Variants in ZNF557 observed in about 807,000 individuals in gnomAD.
ZNF557 encodes the protein zinc finger protein 557.
Under a neutral mutation model 21.2 loss-of-function variants are expected in ZNF557, and 19 were observed. The observed-to-expected ratio is 0.90, with a 90% CI of 0.63 to 1.32. The LOEUF is 1.32. ZNF557 is among the 40% of genes most tolerant of loss of function. The probability of loss-of-function intolerance (pLI) is 0.00; values close to 1 mark genes in which losing one functional copy is unlikely to be tolerated. For synonymous variants in ZNF557, 207 were observed against 194.8 expected, an observed-to-expected ratio of 1.06 and a Z score of -0.52; for missense variants, 487 against 519.8, an observed-to-expected ratio of 0.94 and a Z score of 0.61.
intron 2 of ZNF557, among the ~76,000 whole-genome samples, chr19:7,071,578 G>T (rs993719369): frequency 5.9e-5 from 9 of 152,122 alleles, no homozygotes; most frequent in Non-Finnish European, 1.3e-4. Context: ...AGTGGCTCAA[G>T]CCTGTCTGTA....
chr19:7,074,470 C>T (rs1977532911), intron 2 of ZNF557, among the ~76,000 whole-genome samples: 3 of 151,310 alleles, frequency 2.0e-5, no homozygotes, highest in Admixed American at 2.0e-4. Context: ...GAGATCTTCT[C>T]TCTTTTTTTT....
At chr19:7,073,301 C>A (rs1297402968) in intron 2 of ZNF557, among the ~76,000 whole-genome samples, 1 of 151,874 alleles carries the variant, frequency 6.6e-6, no homozygotes, top group African/African-American at 2.4e-5. Flanking sequence ...CAGGCACCCA[C>A]CACCATGCCC....
rs1412206263 is a variant in ZNF557, at chr19:7,087,369, T to C, written c.*3625T>C. On this transcript the variant is annotated 3_prime_UTR_variant, in exon 8 of 8. Coordinates refer to ENST00000252840, the MANE Select transcript of ZNF557 (RefSeq NM_024341.3). ...CAGCCTGATCAACATGGAGAAAACCTGTCTCTCCTAAAAATACAAAATTAA... is the reference window on the plus strand; with the variant it reads ...CAGCCTGATCAACATGGAGAAAACCCGTCTCTCCTAAAAATACAAAATTAA... 1.3e-5 allele frequency: 2 copies of C among 151,506 alleles called. No homozygotes were observed. Among genetic ancestry groups the C allele is most frequent in the African/African-American group, 2.4e-5 (1 of 41,302 alleles). The allele number at this position is 151,506 out of a possible 1,614,324, so 9.4% of individuals were successfully genotyped here. A position where few individuals can be genotyped will look rare whatever the true frequency, so the allele number is the denominator to read the frequency against.
intron 2 of ZNF557, among the ~76,000 whole-genome samples, chr19:7,073,148 G>T (rs117957395): frequency 0.088 from 3,977 of 45,312 alleles, 95 homozygotes; most frequent in African/African-American, 0.17. Context: ...TGTTTTTTTG[G>T]TTTTTTTTGT....
At chr19:7,077,034 T>C (rs554751112) in intron 5 of ZNF557, among the ~76,000 whole-genome samples, 1 of 152,012 alleles carries the variant, frequency 6.6e-6, no homozygotes, top group African/African-American at 2.4e-5. Context: ...AGATGTGAGC[T>C]ACCATTCCTG....
At chr19:7,080,544 C>G (rs1977679322) in intron 5 of ZNF557, among the ~76,000 whole-genome samples, 1 of 152,150 alleles carries the variant, frequency 6.6e-6, no homozygotes, top group South Asian at 2.1e-4. Flanking sequence ...AAAGGGAAGC[C>G]CTTTGATCCA....
intron 5 of ZNF557, among the ~76,000 whole-genome samples, chr19:7,079,398 C>G (rs2967666): frequency 0.35 from 51,987 of 148,498 alleles, 9,430 homozygotes; most frequent in South Asian, 0.48. Flanking sequence ...CCCACCACCA[C>G]GCCTCGCTAA....
intron 1 of ZNF557, among the ~76,000 whole-genome samples, chr19:7,070,306 G>T (rs1977432974): frequency 6.6e-6 from 1 of 152,162 alleles, no homozygotes; most frequent in Non-Finnish European, 1.5e-5. Flanking sequence ...CCAGCCAAAT[G>T]AGTTAAGCAA....
rs1048319417 is a variant in ZNF557, at chr19:7,084,103, C to T, written c.*359C>T. 1.2e-4 allele frequency: 24 copies of T among 208,136 alleles called. No individual in the cohort carries two copies. The highest frequency in any genetic ancestry group is 5.7e-4 in the African/African-American group (24 of 42,466). 12.9% of individuals were successfully genotyped at this position (208,136 alleles called of 1,614,324 possible). On this transcript the variant is annotated 3_prime_UTR_variant, in exon 8 of 8. Transcript: ENST00000252840. Reference sequence around the variant, plus strand: ...CTTCCAAATCACGTAGGCCTCTCAACAGGGCTGAGTTTCTTTATGGAAGCA... The same window carrying T: ...CTTCCAAATCACGTAGGCCTCTCAATAGGGCTGAGTTTCTTTATGGAAGCA...
intron 5 of ZNF557, among the ~76,000 whole-genome samples, chr19:7,079,462 G>T (rs367945302): frequency 5.9e-5 from 9 of 151,708 alleles, no homozygotes; most frequent in Non-Finnish European, 1.2e-4. Context: ...GGATGATCTC[G>T]ATCTCCTGAC....
chr19:7,081,543 A>G (rs1278126711), intron 6 of ZNF557, 88 bp downstream of exon 6: 1 of 913,266 alleles, frequency 1.1e-6, no homozygotes, highest in Non-Finnish European at 1.7e-6. Flanking sequence ...ATTAGGAAAT[A>G]TCAGTCAGAG....
At position 7,086,230 on chromosome 19, in the gene ZNF557, C is replaced by CAAAAAAAAAAAAAAAAAAAAAAA. The variant is rs71177152; in HGVS notation, c.*2499_*2500insAAAAAAAAAAAAAAAAAAAAAAA. On this transcript the variant is annotated 3_prime_UTR_variant, in exon 8 of 8. Transcript: ENST00000252840. ...TGGGCAAAAGAGTGCAACTCTGTCTCAAAAAAAAAAAAATCAGACAATATT... is the reference window on the plus strand; with the variant it reads ...TGGGCAAAAGAGTGCAACTCTGTCTCAAAAAAAAAAAAAAAAAAAAAAAAAAAAAAAAAAAATCAGACAATATT... 9.1e-6 allele frequency: 1 copy of CAAAAAAAAAAAAAAAAAAAAAAA among 109,966 alleles called. No homozygotes were observed. Among genetic ancestry groups the CAAAAAAAAAAAAAAAAAAAAAAA allele is most frequent in the Non-Finnish European group, 1.8e-5 (1 of 55,058 alleles). 6.8% of individuals were successfully genotyped at this position (109,966 alleles called of 1,614,324 possible).
rs948742801 is a variant in ZNF557, at chr19:7,086,441, A to G, written c.*2697A>G. 6 of 140,140 alleles carry G rather than the reference A, an allele frequency of 4.3e-5. No homozygotes were observed. The highest frequency in any genetic ancestry group is 9.0e-5 in the Non-Finnish European group (6 of 66,364). The allele number at this position is 140,140 out of a possible 1,614,324, so 8.7% of individuals were successfully genotyped here. Reference sequence around the variant, plus strand: ...CAGTGGCGCGATTGTGGCTCACTGCAAGCTCTGCCTCCCAGATTCACGCCA... The same window carrying G: ...CAGTGGCGCGATTGTGGCTCACTGCGAGCTCTGCCTCCCAGATTCACGCCA... On this transcript the variant is annotated 3_prime_UTR_variant, in exon 8 of 8. Transcript: ENST00000252840.
intron 5 of ZNF557, among the ~76,000 whole-genome samples, chr19:7,080,163 G>A (rs974304229): frequency 6.6e-6 from 1 of 152,110 alleles, no homozygotes; most frequent in Non-Finnish European, 1.5e-5. Flanking sequence ...AATCAGCCAG[G>A]CGTGGTGGCA....
intron 3 of ZNF557, 31 bp from the exon 4 acceptor site, chr19:7,075,624 G>T: frequency 2.5e-6 from 4 of 1,608,708 alleles, no homozygotes; most frequent in Non-Finnish European, 2.6e-6. Context: ...GGGCAGGTGT[G>T]GATTCCTGGT....
rs1334889227 is a variant in ZNF557 at position 7,084,912 on chromosome 19, G to A, written c.*1168G>A. The stretch of plus-strand genomic sequence containing the variant: ...GTGTGGCATCAAAAATGGAAAACCA[G>A]GGGACACTCATTCCTTAAGTCACAT... On this transcript the variant is annotated 3_prime_UTR_variant, in exon 8 of 8. Transcript: ENST00000252840. 1.3e-5 allele frequency: 2 copies of A among 152,138 alleles called. No individual in the cohort carries two copies. Among genetic ancestry groups the A allele is most frequent in the East Asian group, 3.8e-4 (2 of 5,202 alleles). The allele number at this position is 152,138 out of a possible 1,614,324, so 9.4% of individuals were successfully genotyped here.
At chr19:7,072,608 C>T (rs1000963681) in intron 2 of ZNF557, among the ~76,000 whole-genome samples, 1 of 152,168 alleles carries the variant, frequency 6.6e-6, no homozygotes, top group Non-Finnish European at 1.5e-5. Flanking sequence ...ACTTGGCTTC[C>T]TAAGCAGCTT....
In ZNF557 at chr19:7,087,673, G is replaced by A. The variant is rs1031644781; in HGVS notation, c.*3929G>A. 2 of 150,644 alleles carry A rather than the reference G, an allele frequency of 1.3e-5. No homozygotes were observed. The highest frequency in any genetic ancestry group is 4.9e-5 in the African/African-American group (2 of 40,688). 9.3% of individuals were successfully genotyped at this position (150,644 alleles called of 1,614,324 possible). A position where few individuals can be genotyped will look rare whatever the true frequency, so the allele number is the denominator to read the frequency against. Reference sequence around the variant, plus strand: ...ACATGATCACAAGTAACCACTAATTGGTTAAAACCAAAGAGAGAGAGAGAG... The same window carrying A: ...ACATGATCACAAGTAACCACTAATTAGTTAAAACCAAAGAGAGAGAGAGAG... On this transcript the variant is annotated 3_prime_UTR_variant, in exon 8 of 8. Coordinates refer to ENST00000252840, the MANE Select transcript of ZNF557 (RefSeq NM_024341.3).
At chr19:7,073,963 C>G (rs1171054288) in intron 2 of ZNF557, among the ~76,000 whole-genome samples, 1 of 151,604 alleles carries the variant, frequency 6.6e-6, no homozygotes, top group African/African-American at 2.4e-5. Context: ...AGCGCCTGCC[C>G]CCGCCCCCAC....
Sources: allele counts gnomAD v4.1 joint callset (sites outside exome capture counted in the v4.1 genomes callset), GRCh38; gene constraint gnomAD v4.1.1; transcripts MANE v1.5; gene names NCBI Gene and HGNC (gene_info 2026-07-23, HGNC 2026-07-21).